TOP2B: variants seen among roughly 807,000 people sequenced by gnomAD.
TOP2B encodes DNA topoisomerase II beta, also known as DNA topoisomerase 2-beta.
Under a neutral mutation model 193.5 loss-of-function variants are expected in TOP2B, and 51 were observed. The observed-to-expected ratio is 0.26, with a 90% confidence interval of 0.21 to 0.33. The LOEUF (loss-of-function observed/expected upper bound fraction) is 0.33, where lower values mean the gene tolerates loss of function less well. Ranked by LOEUF, TOP2B falls within the 10% of genes least tolerant of loss-of-function variation. TOP2B has a pLI of 1.00. For synonymous variants in TOP2B, 634 were observed against 635.7 expected (o/e 1.00, Z 0.04); for missense variants, 1,378 against 1,909.3 (o/e 0.72, Z 5.19).
chr3:25,640,499 GA>G (rs892010098), intron 4 of TOP2B, among the ~76,000 whole-genome samples: 53 of 150,772 alleles, frequency 3.5e-4, no homozygotes, highest in African/African-American at 1.1e-3. Context: ...TGGGGGATAT[GA>G]AAAAAAAATT....
intron 10 of TOP2B, among the ~76,000 whole-genome samples, 196 bp downstream of exon 10, chr3:25,632,250 G>C (rs1198204676): frequency 2.0e-5 from 3 of 151,852 alleles, no homozygotes; most frequent in African/African-American, 7.3e-5. Flanking sequence ...TTTAGTTCTT[G>C]GCAAAACAAT....
chr3:25,645,297 T>C lies in TOP2B; in HGVS notation c.240+3A>G, dbSNP rs746745581. ...AATTTCAATCAATTTTAGCAATAAT[T>C]ACCTGCGTCAATGGCTCCACTGACC... On this transcript the variant is annotated splice_donor_region_variant and intron_variant, in intron 2 of 35. Coordinates refer to ENST00000264331, the MANE Select transcript of TOP2B (RefSeq NM_001330700.2). The C allele has an allele frequency of 1.3e-6, 2 of 1,534,604 alleles. No homozygotes were observed. The highest frequency in any genetic ancestry group is 2.6e-5 in the South Asian group (2 of 76,842).
rs748988331 is a variant in TOP2B, at chr3:25,630,309, T to A, written c.1563+3A>T. ...ACACATATATATACACACACATACA[T>A]ACCTGTTTATGAGAAGCTTCCCGTA... On this transcript the variant is annotated splice_donor_region_variant and intron_variant, in intron 12 of 35. Transcript: ENST00000264331. 1 of 1,551,096 alleles carries A rather than the reference T, an allele frequency of 6.4e-7. No individual in the cohort carries two copies.
chr3:25,599,625 A>T (rs1702035900), intron 34 of TOP2B, 96 bp from the exon 35 acceptor site: 1 of 1,153,360 alleles, frequency 8.7e-7, no homozygotes. Context: ...GGCATGCCCA[A>T]TCAGTGGAGC....
chr3:25,658,576 A>C (rs1353864874), intron 1 of TOP2B, among the ~76,000 whole-genome samples: 7 of 152,070 alleles, frequency 4.6e-5, no homozygotes, highest in Non-Finnish European at 8.8e-5. Flanking sequence ...CTGAATTTCA[A>C]GTCAGCTGCC....
chr3:25,629,204 T>C (rs555594073), intron 13 of TOP2B, 59 bp from the exon 14 acceptor site: 36 of 1,238,606 alleles, frequency 2.9e-5, no homozygotes, highest in South Asian at 1.8e-4. Flanking sequence ...TGATTACTTA[T>C]ATAAACAAAT....
rs750775397 is a variant in TOP2B at position 25,619,940 on chromosome 3, T to A, written c.2985A>T (p.Glu995Asp). 6.2e-7 allele frequency: 1 copy of A among 1,613,342 alleles called. No homozygotes were observed. The highest frequency in any genetic ancestry group is 1.1e-5 in the South Asian group (1 of 91,040). ...CAGCTTCTGCTTGTGCTAGTTTCTC[T>A]TCAGTCATTTTCACCACAAATTTCA... ...TTVKFVVKMTEEKLAQAEAAG... is the reference protein window; with the variant it reads ...TTVKFVVKMTDEKLAQAEAAG... The change falls in exon 23 of 36, where the codon GAA becomes GAT. Residue 995 changes from glutamate to aspartate, a missense_variant. Physicochemically the swap from Glu to Asp is conservative, Grantham distance 45. This residue lies in a region of TOP2B where 379 missense variants were observed against 615.1 expected (regional missense o/e 0.62). Transcript: ENST00000264331.
intron 4 of TOP2B, among the ~76,000 whole-genome samples, chr3:25,641,863 G>A (rs967941770): frequency 1.1e-4 from 17 of 151,942 alleles, no homozygotes; most frequent in Middle Eastern, 3.4e-3. Context: ...TTCATTCTAT[G>A]CAAAAAAATA....
chr3:25,643,814 C>T, intron 2 of TOP2B, 30 bp from the exon 3 acceptor site: 1 of 1,521,794 alleles, frequency 6.6e-7, no homozygotes. Flanking sequence ...AAAAATTTTA[C>T]TCAATAAATC....
chr3:25,598,516 A>C, intron 35 of TOP2B, 39 bp from the exon 36 acceptor site: 1 of 1,486,650 alleles, frequency 6.7e-7, no homozygotes, highest in Non-Finnish European at 9.0e-7. Context: ...TTATGAAAGG[A>C]AGTAAAGACT....
Position 25,607,330 on chromosome 3 carries a change from T to C in TOP2B, c.4139A>G (p.Asp1380Gly). 2 of 1,552,270 alleles carry C rather than the reference T, an allele frequency of 1.3e-6. No homozygotes were observed. Among genetic ancestry groups the C allele is most frequent in the Non-Finnish European group, 1.7e-6 (2 of 1,147,108 alleles). Reference sequence around the variant, plus strand: ...GTCATCATCATCATCATCAGCATCATCATCCTCTTCTTCTGAGAAATCAAA... The same window carrying C: ...GTCATCATCATCATCATCAGCATCACCATCCTCTTCTTCTGAGAAATCAAA... ...YTFDFSEEED[D>G]DADDDDDDNN... The change falls in exon 31 of 36, where the codon GAT (aspartate) becomes GGT (glycine). Residue 1380 changes from aspartate to glycine, a missense_variant. Asp to Gly is a moderately conservative substitution (Grantham distance 94, BLOSUM62 -1). Around this residue, in one of 9 missense-constraint regions of TOP2B, gnomAD observed 556 missense variants for 584.2 expected, o/e 0.95. Transcript: ENST00000264331.
chr3:25,661,564 C>A (rs1363120316), intron 1 of TOP2B, among the ~76,000 whole-genome samples: 1 of 152,138 alleles, frequency 6.6e-6, no homozygotes, highest in African/African-American at 2.4e-5. Flanking sequence ...AGAATTAATT[C>A]AAGAAACCCT....
intron 12 of TOP2B, 43 bp from the exon 13 acceptor site, chr3:25,630,197 A>C: frequency 6.5e-7 from 1 of 1,526,790 alleles, no homozygotes; most frequent in Non-Finnish European, 8.8e-7. Flanking sequence ...TGAAGTGTTG[A>C]AATATACGAG....
chr3:25,619,874 A>C lies in TOP2B; in HGVS notation c.3051T>G (p.Thr1017=). ...HKVFKLQTTL[T]CNSMVLFDHM... is the part of the protein sequence containing the mutation. ...TCTAATAAATTACCATGGAATTACA[A>C]GTAAGAGTAGTTTGAAGTTTAAAAA... The change falls in exon 23 of 36, where the codon ACT becomes ACG. Residue 1017 remains threonine (T), a synonymous_variant. Transcript: ENST00000264331. 1 of 1,604,058 alleles carries C rather than the reference A, an allele frequency of 6.2e-7. No homozygotes were observed. Among genetic ancestry groups the C allele is most frequent in the Admixed American group, 1.7e-5 (1 of 59,974 alleles).
At chr3:25,600,453 T>G (rs1400761848) in intron 34 of TOP2B, among the ~76,000 whole-genome samples, 1 of 152,200 alleles carries the variant, frequency 6.6e-6, no homozygotes, top group Non-Finnish European at 1.5e-5. Flanking sequence ...TTCCACCCTA[T>G]TATCCCCATT....
chr3:25,644,673 C>A (rs1703361379), intron 2 of TOP2B, among the ~76,000 whole-genome samples: 1 of 145,386 alleles, frequency 6.9e-6, no homozygotes, highest in Non-Finnish European at 1.5e-5. Flanking sequence ...TACACTCCAG[C>A]CTGGGCGACA....
At chr3:25,655,956 A>T (rs555625101) in intron 1 of TOP2B, among the ~76,000 whole-genome samples, 1 of 149,004 alleles carries the variant, frequency 6.7e-6, no homozygotes, top group East Asian at 2.0e-4. Flanking sequence ...TTGCTTAACA[A>T]TGTAAATATA....
At chr3:25,622,812 T>C (rs1055245742) in intron 21 of TOP2B, among the ~76,000 whole-genome samples, 1 of 152,202 alleles carries the variant, frequency 6.6e-6, no homozygotes, top group African/African-American at 2.4e-5. Context: ...GGCTAATTTT[T>C]GTATTTTTAG....
In TOP2B at chr3:25,615,275, T is replaced by C. The variant is rs780372964; in HGVS notation, c.3521A>G (p.Asn1174Ser). Residue 1174 changes from asparagine (N) to serine (S), a missense_variant, in exon 27 of 36, where the codon AAT becomes AGT. Physicochemically the swap from Asn to Ser is conservative, Grantham distance 46. Transcript: ENST00000264331. The part of the protein sequence containing the change: ...KQRDAKGREV[N>S]DLKRKSPSDL... The stretch of plus-strand genomic sequence containing the variant: ...TGAAGGAGATTTTCTTTTAAGATCA[T>C]TGACCTCTCGCCCCTATAATAAAAA... 12 of 1,612,328 alleles carry C rather than the reference T, an allele frequency of 7.4e-6. No homozygotes were observed. The highest frequency in any genetic ancestry group is 1.1e-5 in the South Asian group (1 of 90,938).
Sources: allele counts gnomAD v4.1 joint callset (sites outside exome capture counted in the v4.1 genomes callset), GRCh38; gene constraint gnomAD v4.1.1; regional missense constraint gnomAD v4.1.1; transcripts MANE v1.5; gene names NCBI Gene and HGNC (gene_info 2026-07-23, HGNC 2026-07-21).